Variants in ATG9B observed in about 807,000 individuals in gnomAD.
ATG9B encodes autophagy related 9B.
Under a neutral mutation model 92.9 loss-of-function variants are expected in ATG9B, and 92 were observed. That is an observed-to-expected ratio of 0.99 (90% CI 0.84 to 1.18). The LOEUF is 1.18. ATG9B is among the 50% of genes most tolerant of loss of function. The probability of loss-of-function intolerance (pLI) is 0.00; values close to 1 mark genes in which losing one functional copy is unlikely to be tolerated. For missense variants in ATG9B, 1,344 were observed against 1,235.0 expected (o/e 1.09, Z -1.32); for synonymous variants, 599 against 551.4 (o/e 1.09, Z -1.21).
At chr7:151,022,436 T>G (rs1795786961) in intron 4 of ATG9B, among the ~76,000 whole-genome samples, 1 of 149,216 alleles carries the variant, frequency 6.7e-6, no homozygotes, top group South Asian at 2.1e-4. Context: ...ATGCCCGGCC[T>G]AATTTTAATT....
rs574780705 is a variant in ATG9B, at chr7:151,016,795, G to A, written c.2316C>T (p.Phe772=). ...PLPEAFLANL[F]VHPLLPPRDL... Reference sequence around the variant, plus strand: ...CTCTCGGAGGCAGGAGAGGGTGCACGAAGAGGTTGGCCAGGAAGGCCTCAG... The same window carrying A: ...CTCTCGGAGGCAGGAGAGGGTGCACAAAGAGGTTGGCCAGGAAGGCCTCAG... The change falls in exon 10 of 14, where the codon TTC becomes TTT. Residue 772 remains phenylalanine, a synonymous_variant. Transcript: ENST00000639579. 1.1e-5 allele frequency: 17 copies of A among 1,611,164 alleles called. No individual in the cohort carries two copies. The highest frequency in any genetic ancestry group is 5.0e-5 in the Admixed American group (3 of 59,490).
chr7:151,013,871 G>A (rs566042414), downstream of ATG9B: 327 of 1,603,588 alleles, frequency 2.0e-4, 3 homozygotes, highest in South Asian at 3.6e-3. Context: ...GGCGACGGAG[G>A]GCGACATGGA....
In ATG9B at chr7:151,017,052, T is replaced by A; in HGVS notation, c.2273A>T (p.Asn758Ile). The A allele has an allele frequency of 6.3e-7, 1 of 1,596,004 alleles. No homozygotes were observed. Among genetic ancestry groups the A allele is most frequent in the Non-Finnish European group, 8.5e-7 (1 of 1,172,002 alleles). The change falls in exon 9 of 14, where the codon AAC (asparagine) becomes ATC (isoleucine). Residue 758 changes from asparagine to isoleucine, a missense_variant. Coordinates refer to ENST00000639579, the MANE Select transcript of ATG9B (RefSeq NM_001317056.2). ...GGGACTCACCAGGGGCGAGGTGCAGTTGCTGAGCACCCCCGGGGTGGAGGG... is the reference window on the plus strand; with the variant it reads ...GGGACTCACCAGGGGCGAGGTGCAGATGCTGAGCACCCCCGGGGTGGAGGG... ...RGPSTPGVLS[N>I]CTSPLPEAFL...
chr7:151,017,781 T>C, intron 8 of ATG9B, 90 bp downstream of exon 8: 2 of 1,408,532 alleles, frequency 1.4e-6, no homozygotes, highest in Non-Finnish European at 1.9e-6. Context: ...TAGCAAGCAA[T>C]GGAGCCAGGG....
chr7:151,015,818 T>C, intron 13 of ATG9B, 64 bp downstream of exon 13: 1 of 1,497,248 alleles, frequency 6.7e-7, no homozygotes, highest in Non-Finnish European at 8.9e-7. Context: ...TCGCTTCAAG[T>C]CGGACTCCAA....
chr7:151,023,702 G>A lies in ATG9B; in HGVS notation c.579C>T (p.Asp193=), dbSNP rs1281776331. ...RGSWHHIQNL[D]SFFTKIYSYH... is the part of the protein sequence containing the mutation. ...CAAAGGATATCTTGGTGAAGAAACTGTCCAGGTTCTGGATGTGATGCCAGG... is the reference window on the plus strand; with the variant it reads ...CAAAGGATATCTTGGTGAAGAAACTATCCAGGTTCTGGATGTGATGCCAGG... Residue 193 remains aspartate, a synonymous_variant, in exon 2 of 14, where the codon GAC becomes GAT. Transcript: ENST00000639579. 7.4e-6 allele frequency: 12 copies of A among 1,614,078 alleles called. No individual in the cohort carries two copies. The highest frequency in any genetic ancestry group is 1.0e-5 in the Non-Finnish European group (12 of 1,180,042).
chr7:151,016,972 G>C (rs1394259180), intron 9 of ATG9B, 64 bp downstream of exon 9: 34 of 1,525,256 alleles, frequency 2.2e-5, no homozygotes, highest in Non-Finnish European at 3.0e-5. Context: ...GAGCCTAGAG[G>C]GGAAGGGTTT....
Position 151,019,303 on chromosome 7 carries a change from C to G in ATG9B, c.1035G>C (p.Leu345=). Residue 345 remains leucine, a synonymous_variant, in exon 6 of 14, where the codon CTG becomes CTC. Coordinates refer to ENST00000639579, the MANE Select transcript of ATG9B (RefSeq NM_001317056.2). ...RLLALQRSGG[L]CVQPRPLTEL... is the part of the protein sequence containing the mutation. ...CCGTCAGGGGCCGCGGCTGCACGCACAGGCCCCCGCTCCGCTGCAGTGCCA... is the reference window on the plus strand; with the variant it reads ...CCGTCAGGGGCCGCGGCTGCACGCAGAGGCCCCCGCTCCGCTGCAGTGCCA... The G allele has an allele frequency of 6.3e-7, 1 of 1,587,122 alleles. No homozygotes were observed. The highest frequency in any genetic ancestry group is 8.5e-7 in the Non-Finnish European group (1 of 1,174,090).
chr7:151,013,801 G>A (rs1795369738), downstream of ATG9B: 3 of 1,610,824 alleles, frequency 1.9e-6, no homozygotes, highest in Non-Finnish European at 2.5e-6. Context: ...GGGGCCACAT[G>A]TTTGTCTGCG....
rs1432843848 is a variant in ATG9B at position 151,018,917 on chromosome 7, C to A, written c.1421G>T (p.Gly474Val). The A allele has an allele frequency of 1.3e-6, 2 of 1,510,534 alleles. No homozygotes were observed. The highest frequency in any genetic ancestry group is 2.3e-5 in the Admixed American group (1 of 44,152). The allele number at this position is 1,510,534 out of a possible 1,614,324, so 93.6% of individuals were successfully genotyped here. A position where few individuals can be genotyped will look rare whatever the true frequency, so the allele number is the denominator to read the frequency against. ...GGACCAGCCGCGCGCCCCCAGCGCG[C>A]CAGGCTCGCGCCGCAGCAGCTCCAC... ...SHVELLRREP[G>V]ALGARGWSRL... is the part of the protein sequence containing the mutation. Residue 474 changes from glycine to valine, a missense_variant, in exon 6 of 14, where the codon GGC (glycine) becomes GTC (valine). By Grantham distance (109) the Gly-to-Val change is moderately radical. Transcript: ENST00000639579. The surrounding 1 kb of genome is among the most constrained non-coding windows in gnomAD (Gnocchi z 4.7).
downstream of ATG9B, chr7:151,013,686 C>G (rs956342645): frequency 3.4e-5 from 50 of 1,482,542 alleles, 1 homozygote; most frequent in Non-Finnish European, 4.4e-5. Context: ...CCCGCGCCCA[C>G]CCCCACCAGG....
rs200560417 is a variant in ATG9B, at chr7:151,018,490, A to G, written c.1719-43T>C. 473 of 1,514,784 alleles carry G rather than the reference A, an allele frequency of 3.1e-4. 3 individuals carry two copies. Among genetic ancestry groups the G allele is most frequent in the Middle Eastern group, 1.8e-4 (1 of 5,640 alleles). The allele number at this position is 1,514,784 out of a possible 1,614,324, so 93.8% of individuals were successfully genotyped here. A position where few individuals can be genotyped will look rare whatever the true frequency, so the allele number is the denominator to read the frequency against. On this transcript the variant is annotated intron_variant, in intron 6 of 13. Transcript: ENST00000639579. This position sits in a 1 kb window ranked among gnomAD's most constrained non-coding sequence, Gnocchi z 4.7. ...TGGGGGGAAGGGGCCTGCGATTAGG[A>G]GGACGCGCGGTGGGATGTAGGGCTA...
At position 151,017,247 on chromosome 7, in the gene ATG9B, G is replaced by C. The variant is rs756612860; in HGVS notation, c.2078C>G (p.Ala693Gly). ...PQWLSAGQTE[A>G]SLSQRAEDGK... ...GTCCTCCGCACGCTGAGACAGCGAG[G>C]CCTCAGTCTGTCCCGCCGAGAGCCA... The change falls in exon 9 of 14, where the codon GCC becomes GGC. Residue 693 changes from alanine (A) to glycine (G), a missense_variant. Ala to Gly is a moderately conservative substitution (Grantham distance 60). Transcript: ENST00000639579. 1 of 1,603,340 alleles carries C rather than the reference G, an allele frequency of 6.2e-7. No homozygotes were observed. The highest frequency in any genetic ancestry group is 8.5e-7 in the Non-Finnish European group (1 of 1,173,218).
At position 151,024,325 on chromosome 7, in the gene ATG9B, T is replaced by C. The variant is rs1297201667; in HGVS notation, c.99A>G (p.Pro33=). The C allele has an allele frequency of 5.6e-6, 8 of 1,423,182 alleles. No individual in the cohort carries two copies. Among genetic ancestry groups the C allele is most frequent in the African/African-American group, 2.9e-5 (2 of 68,874 alleles). 88.2% of individuals were successfully genotyped at this position (1,423,182 alleles called of 1,614,324 possible). A position where few individuals can be genotyped will look rare whatever the true frequency, so the allele number is the denominator to read the frequency against. ...CCCGGCATGAAGGAGGAGGAGGAGG[T>C]GGCAGTGGCATGGGGAGGAGGGGCA... ...GSVPLLPMPL[P]PPPPPSCRGP... The change falls in exon 1 of 14, where the codon CCA becomes CCG. Residue 33 remains proline, a synonymous_variant. Coordinates refer to ENST00000639579, the MANE Select transcript of ATG9B (RefSeq NM_001317056.2).
Position 151,024,014 on chromosome 7 carries a change from G to C in ATG9B, c.410C>G (p.Ser137Cys). 2 of 1,593,564 alleles carry C rather than the reference G, an allele frequency of 1.3e-6. No homozygotes were observed. Among genetic ancestry groups the C allele is most frequent in the Non-Finnish European group, 8.5e-7 (1 of 1,170,108 alleles). The change falls in exon 1 of 14, where the codon TCT becomes TGT. Residue 137 changes from serine (S) to cysteine (C), a missense_variant. Coordinates refer to ENST00000639579, the MANE Select transcript of ATG9B (RefSeq NM_001317056.2). The part of the protein sequence containing the change: ...PTPSQQCPQD[S>C]PGLRVGPLIP... Reference sequence around the variant, plus strand: ...CAAAGGGCCTACCCGCAGCCCAGGAGAGTCCTGGGGGCACTGCTGTGAGGG... The same window carrying C: ...CAAAGGGCCTACCCGCAGCCCAGGACAGTCCTGGGGGCACTGCTGTGAGGG...
rs752860975 is a variant in ATG9B at position 151,023,076 on chromosome 7, C to T, written c.790G>A (p.Ala264Thr). ...GCACACTGGGCTGAGGGTAGGATGG[C>T]ATCTGACAGGGTCACTTTGCTGTGG... ...PFHSKVTLSD[A>T]ILPSAQCAER... The change falls in exon 4 of 14, where the codon GCC becomes ACC. Residue 264 changes from alanine (A) to threonine (T), a missense_variant. Transcript: ENST00000639579. 2.1e-5 allele frequency: 34 copies of T among 1,614,128 alleles called. No homozygotes were observed. The highest frequency in any genetic ancestry group is 2.9e-5 in the Non-Finnish European group (34 of 1,180,012).
chr7:151,024,002 C>G lies in ATG9B; in HGVS notation c.422G>C (p.Arg141Pro). 1 of 1,593,666 alleles carries G rather than the reference C, an allele frequency of 6.3e-7. No homozygotes were observed. The change falls in exon 1 of 14, where the codon CGG (arginine) becomes CCG (proline). Residue 141 changes from arginine (R) to proline (P), a missense_variant. Arg to Pro is a moderately radical substitution (Grantham distance 103, BLOSUM62 -2). Transcript: ENST00000639579. ...QQCPQDSPGL[R>P]VGPLIPEQDY... ...CTGTTCAGGGATCAAAGGGCCTACC[C>G]GCAGCCCAGGAGAGTCCTGGGGGCA...
rs766112234 is a variant in ATG9B at position 151,018,408 on chromosome 7, C to T, written c.1758G>A (p.Pro586=). Residue 586 remains proline, a synonymous_variant, in exon 7 of 14, where the codon CCG becomes CCA. Transcript: ENST00000639579. This position sits in a 1 kb window ranked among gnomAD's most constrained non-coding sequence, Gnocchi z 4.7. Reference sequence around the variant, plus strand: ...CCAGGGCTGTCTGCAGCAGGAGCTGCGGCGCACGACCCTGGCACTGCTCTT... The same window carrying T: ...CCAGGGCTGTCTGCAGCAGGAGCTGTGGCGCACGACCCTGGCACTGCTCTT... ...IPEEQCQGRA[P]QLLLQTALAH... 1.3e-6 allele frequency: 2 copies of T among 1,555,618 alleles called. No individual in the cohort carries two copies. Among genetic ancestry groups the T allele is most frequent in the Admixed American group, 4.0e-5 (2 of 50,550 alleles).
At position 151,015,622 on chromosome 7, in the gene ATG9B, C is replaced by A; in HGVS notation, c.*106G>T. ...CCCAGGTCCTGCCCAACTAAAGCAC[C>A]TGGGCCTGTCATCTATGGGGCCTCT... On this transcript the variant is annotated 3_prime_UTR_variant, in exon 14 of 14. Coordinates refer to ENST00000639579, the MANE Select transcript of ATG9B (RefSeq NM_001317056.2). 1 of 372,260 alleles carries A rather than the reference C, an allele frequency of 2.7e-6. No homozygotes were observed. Among genetic ancestry groups the A allele is most frequent in the Non-Finnish European group, 4.7e-6 (1 of 211,274 alleles). The allele number at this position is 372,260 out of a possible 1,614,324, so 23.1% of individuals were successfully genotyped here. A position where few individuals can be genotyped will look rare whatever the true frequency, so the allele number is the denominator to read the frequency against.
Sources: allele counts gnomAD v4.1 joint callset (sites outside exome capture counted in the v4.1 genomes callset), GRCh38; gene constraint gnomAD v4.1.1; non-coding constraint Gnocchi (gnomAD v3.1); transcripts MANE v1.5; gene names NCBI Gene and HGNC (gene_info 2026-07-23, HGNC 2026-07-21).